Variants in KIF15 observed in about 807,000 individuals in gnomAD.
KIF15 encodes kinesin family member 15.
Under a neutral mutation model 190.6 loss-of-function variants are expected in KIF15, and 140 were observed. The ratio of observed to expected loss-of-function variants is 0.73; its 90% CI spans 0.64 to 0.84. KIF15 has a LOEUF of 0.84. Among genes scored for constraint, KIF15 ranks in the 40% least tolerant of loss-of-function variants. The pLI is 0.00. For synonymous variants in KIF15, 528 were observed against 551.3 expected (o/e 0.96, Z 0.59); for missense variants, 1,372 against 1,584.4 (o/e 0.87, Z 2.28).
At chr3:44,795,796 C>T (rs1463751698) in intron 8 of KIF15, among the ~76,000 whole-genome samples, 1 of 152,016 alleles carries the variant, frequency 6.6e-6, no homozygotes, top group Non-Finnish European at 1.5e-5. Flanking sequence ...AAGAGATCTA[C>T]TTTTTTCATT....
intron 14 of KIF15, among the ~76,000 whole-genome samples, chr3:44,803,977 T>C (rs1314281273): frequency 6.6e-6 from 1 of 151,992 alleles, no homozygotes; most frequent in Non-Finnish European, 1.5e-5. Context: ...TCAGGCTCCC[T>C]CCTGGGATTA....
At chr3:44,829,793 CATATATAATATATGT>C (rs1278578067) in intron 24 of KIF15, among the ~76,000 whole-genome samples, 163 bp from the exon 25 acceptor site, 1 of 138,668 alleles carries the variant, frequency 7.2e-6, no homozygotes, top group Non-Finnish European at 1.5e-5. Flanking sequence ...ATAATATATG[CATATATAATATATGT>C]ATATATATTA....
intron 6 of KIF15, chr3:44,861,926 T>A: frequency 6.9e-7 from 1 of 1,450,080 alleles, no homozygotes. Flanking sequence ...GCAGGCAACA[T>A]GGCCGAGAGG....
intron 30 of KIF15, among the ~76,000 whole-genome samples, chr3:44,847,671 C>T (rs1173952751): frequency 1.3e-5 from 2 of 152,212 alleles, no homozygotes; most frequent in Admixed American, 6.5e-5. Flanking sequence ...CACATTCGAT[C>T]TTCAGATGTT....
intron 22 of KIF15, 175 bp from the exon 23 acceptor site, chr3:44,827,284 T>C (rs1697716606): frequency 5.4e-6 from 3 of 554,630 alleles, no homozygotes; most frequent in Admixed American, 3.1e-5. Context: ...TGGGTTCTCA[T>C]TGAATAATTT....
At chr3:44,861,935 G>T (rs1176135926) in intron 6 of KIF15, 8 of 1,427,934 alleles carry the variant, frequency 5.6e-6, no homozygotes, top group Non-Finnish European at 7.3e-6. Flanking sequence ...ATGGCCGAGA[G>T]GCCGGGGCCT....
At chr3:44,836,579 G>A (rs1698333836) in intron 26 of KIF15, among the ~76,000 whole-genome samples, 1 of 152,152 alleles carries the variant, frequency 6.6e-6, no homozygotes, top group African/African-American at 2.4e-5. Flanking sequence ...TCAGGAGAAG[G>A]ATAGAAACAC....
intron 7 of KIF15, among the ~76,000 whole-genome samples, chr3:44,790,419 G>C (rs1706631536): frequency 6.6e-6 from 1 of 152,070 alleles, no homozygotes; most frequent in South Asian, 2.1e-4. Flanking sequence ...GTTGCCCCGG[G>C]TGGAAATCAT....
chr3:44,858,236 G>A (rs555706661), downstream of KIF15, among the ~76,000 whole-genome samples: 2 of 152,330 alleles, frequency 1.3e-5, no homozygotes, highest in East Asian at 3.9e-4. Context: ...GCACTACAGG[G>A]TGGATAGGCA....
intron 30 of KIF15, among the ~76,000 whole-genome samples, chr3:44,844,063 C>T (rs928085379): frequency 6.6e-6 from 1 of 152,114 alleles, no homozygotes; most frequent in African/African-American, 2.4e-5. Context: ...TGCAAGAAGT[C>T]GAATTGAATC....
At chr3:44,829,574 A>G (rs1397046782) in intron 24 of KIF15, among the ~76,000 whole-genome samples, 1 of 124,294 alleles carries the variant, frequency 8.0e-6, no homozygotes, top group East Asian at 2.0e-4. Context: ...TGTATATATT[A>G]TATATGTATA....
intron 5 of KIF15, among the ~76,000 whole-genome samples, chr3:44,781,991 GT>G (rs567956504): frequency 5.3e-5 from 8 of 150,726 alleles, no homozygotes; most frequent in Non-Finnish European, 8.9e-5. Context: ...CTTACTTAAG[GT>G]TTTTTTTTCT....
intron 5 of KIF15, among the ~76,000 whole-genome samples, chr3:44,784,061 C>T (rs562177662): frequency 6.6e-6 from 1 of 152,240 alleles, no homozygotes; most frequent in Admixed American, 6.5e-5. Flanking sequence ...ACCAGCTTGG[C>T]TTTTATTGCC....
chr3:44,791,304 T>G (rs1706686667), intron 7 of KIF15, among the ~76,000 whole-genome samples: 1 of 152,262 alleles, frequency 6.6e-6, no homozygotes, highest in Non-Finnish European at 1.5e-5. Flanking sequence ...TGTATTCTGT[T>G]CTGTTGATCT....
At chr3:44,848,651 C>T in intron 32 of KIF15, 93 bp downstream of exon 32, 1 of 548,558 alleles carries the variant, frequency 1.8e-6, no homozygotes, top group South Asian at 2.7e-5. Flanking sequence ...TAACTTCTTT[C>T]CTTCTGCAGT....
chr3:44,852,602 CA>C (rs200776603), intron 34 of KIF15, 70 bp from the exon 35 acceptor site: 369 of 1,141,208 alleles, frequency 3.2e-4, no homozygotes, highest in African/African-American at 1.2e-3. Flanking sequence ...CTAATAAATG[CA>C]AAAAAAAACC....
Position 44,802,801 on chromosome 3 carries a change from T to C in KIF15, c.1510-13T>C. ...TGTAAATATATAATGCGTGTAATTC[T>C]TCTATGTCACAGATAGAGCACCACC... On this transcript the variant is annotated splice_polypyrimidine_tract_variant and intron_variant, in intron 13 of 34. Transcript: ENST00000326047. 1 of 1,542,820 alleles carries C rather than the reference T, an allele frequency of 6.5e-7. No individual in the cohort carries two copies. Among genetic ancestry groups the C allele is most frequent in the Non-Finnish European group, 8.7e-7 (1 of 1,152,044 alleles).
intron 20 of KIF15, among the ~76,000 whole-genome samples, chr3:44,821,526 A>C (rs1345133052): frequency 2.8e-5 from 4 of 141,370 alleles, no homozygotes; most frequent in African/African-American, 1.1e-4. Flanking sequence ...TCAGACGATG[A>C]GTGGCCGGGC....
chr3:44,786,471 A>G lies in KIF15; in HGVS notation c.536A>G (p.Asp179Gly). Residue 179 changes from aspartate (D) to glycine (G), a missense_variant, in exon 7 of 35, where the codon GAC (aspartate) becomes GGC (glycine). Asp to Gly is a moderately conservative substitution (Grantham distance 94). Transcript: ENST00000326047. Reference sequence around the variant, plus strand: ...AACGAGCAGATATATGATCTACTGGACTCTGCATCGGCTGGACTGTACTTA... The same window carrying G: ...AACGAGCAGATATATGATCTACTGGGCTCTGCATCGGCTGGACTGTACTTA... The part of the protein sequence containing the change: ...IYNEQIYDLL[D>G]SASAGLYLRE... The G allele has an allele frequency of 1.2e-6, 2 of 1,613,814 alleles. No homozygotes were observed. Among genetic ancestry groups the G allele is most frequent in the Non-Finnish European group, 1.7e-6 (2 of 1,179,798 alleles).
Sources: gnomAD v4.1 joint callset for allele counts (sites outside exome capture counted in the v4.1 genomes callset) on GRCh38, gnomAD v4.1.1 for gene constraint, MANE v1.5 for transcripts, NCBI Gene and HGNC (gene_info 2026-07-23, HGNC 2026-07-21) for gene names.